The following STARD9 variants were observed in gnomAD, a reference collection of about 807,000 sequenced individuals.
STARD9 encodes StAR related lipid transfer domain containing 9, also known as stAR-related lipid transfer protein 9.
A neutral mutation model predicts 399.8 loss-of-function variants in STARD9; 346 were observed. The ratio of observed to expected loss-of-function variants is 0.87; its 90% confidence interval spans 0.79 to 0.95. The LOEUF is 0.95. Among genes scored for constraint, STARD9 ranks in the 40% least tolerant of loss-of-function variants. STARD9 has a pLI of 0.00. For missense variants in STARD9, 5,832 were observed against 5,667.5 expected (o/e 1.03, Z -0.93); for synonymous variants, 2,203 against 2,143.5 (o/e 1.03, Z -0.77).
At chr15:42,580,758 G>A (rs763299325) in intron 1 of STARD9, among the ~76,000 whole-genome samples, 4 of 152,192 alleles carry the variant, frequency 2.6e-5, no homozygotes, top group Non-Finnish European at 5.9e-5. Context: ...GTTGCAGTGA[G>A]CAGAGATCAT....
At chr15:42,663,949 T>C in intron 13 of STARD9, 32 bp downstream of exon 13, 2 of 1,366,182 alleles carry the variant, frequency 1.5e-6, no homozygotes, top group Non-Finnish European at 2.0e-6. Context: ...TGGTCTGGTA[T>C]AGTTTACACA....
At chr15:42,703,508 C>T (rs1282824314) in intron 26 of STARD9, among the ~76,000 whole-genome samples, 10 of 150,434 alleles carry the variant, frequency 6.6e-5, no homozygotes, top group South Asian at 2.1e-4. Context: ...AGATTATAGG[C>T]GCCAGCCACC....
At chr15:42,713,740 C>G (rs2061295423) in intron 26 of STARD9, among the ~76,000 whole-genome samples, 1 of 152,112 alleles carries the variant, frequency 6.6e-6, no homozygotes, top group Non-Finnish European at 1.5e-5. Flanking sequence ...ATAAATCCTA[C>G]TTGCTCGTGA....
At chr15:42,657,900 G>A (rs1352043536) in intron 9 of STARD9, among the ~76,000 whole-genome samples, 1 of 152,146 alleles carries the variant, frequency 6.6e-6, no homozygotes, top group Non-Finnish European at 1.5e-5. Context: ...AATGGTGGGA[G>A]AACAATTGGA....
Position 42,663,841 on chromosome 15 carries a change from G to C in STARD9, c.1100G>C (p.Ser367Thr), listed in dbSNP as rs765666126. The change falls in exon 13 of 33, where the codon AGC (serine) becomes ACC (threonine). Residue 367 changes from serine to threonine, a missense_variant. Ser to Thr is a moderately conservative substitution (Grantham distance 58). This residue lies in a region of STARD9 where 5,828 missense variants were observed against 5,651.1 expected (regional missense o/e 1.03). Transcript: ENST00000290607. ...TCAGCGGTGTCTCCTGCACACACTA[G>C]CTACAGTGAGACCATGAGCACACTG... ...MVATVSPAHT[S>T]YSETMSTLRY... 3 of 1,536,900 alleles carry C rather than the reference G, an allele frequency of 2.0e-6. No individual in the cohort carries two copies. The South Asian group carries it at 3.6e-5, about 18-fold the overall frequency.
intron 7 of STARD9, among the ~76,000 whole-genome samples, chr15:42,646,308 A>G (rs1213842100): frequency 6.6e-6 from 1 of 152,232 alleles, no homozygotes; most frequent in East Asian, 1.9e-4. Flanking sequence ...TAAAAATCCT[A>G]GATGACACCT....
chr15:42,585,718 T>C, intron 3 of STARD9, 81 bp downstream of exon 3: 3 of 955,434 alleles, frequency 3.1e-6, no homozygotes, highest in African/African-American at 1.6e-5. Flanking sequence ...AAAGATACTT[T>C]GCAAGGTTAG....
At position 42,688,259 on chromosome 15, in the gene STARD9, A is replaced by G; in HGVS notation, c.6681A>G (p.Val2227=). The change falls in exon 23 of 33, where the codon GTA becomes GTG. Residue 2227 remains valine, a synonymous_variant. Transcript: ENST00000290607. The part of the protein sequence containing the change: ...ERSSKNNGQF[V]KASASLKGQP... ...CTTCTAAGAATAATGGCCAGTTTGT[A>G]AAAGCATCAGCAAGTCTCAAAGGGC... 6.5e-7 allele frequency: 1 copy of G among 1,537,640 alleles called. No individual in the cohort carries two copies. The highest frequency in any genetic ancestry group is 8.7e-7 in the Non-Finnish European group (1 of 1,147,010).
chr15:42,675,109 T>C, intron 18 of STARD9, 145 bp downstream of exon 18: 1 of 901,962 alleles, frequency 1.1e-6, no homozygotes, highest in Middle Eastern at 3.6e-4. Flanking sequence ...TCTAATATGA[T>C]CCTATTCCCA....
chr15:42,694,172 C>G lies in STARD9; in HGVS notation c.12594C>G (p.Pro4198=). Residue 4198 remains proline (P), a synonymous_variant, in exon 23 of 33, where the codon CCC becomes CCG. Coordinates refer to ENST00000290607, the MANE Select transcript of STARD9 (RefSeq NM_020759.3). ...AGTGGTCCAAGAGGGAGCAGATCCC[C>G]CTGCAAGTTGGGGCCCAGAACCTCT... is the stretch of plus-strand genomic sequence containing the variant. ...DSEWSKREQI[P]LQVGAQNLSL... 2 of 1,535,264 alleles carry G rather than the reference C, an allele frequency of 1.3e-6. No homozygotes were observed. The highest frequency in any genetic ancestry group is 1.7e-6 in the Non-Finnish European group (2 of 1,146,054).
At position 42,693,833 on chromosome 15, in the gene STARD9, C is replaced by G; in HGVS notation, c.12255C>G (p.Leu4085=). The change falls in exon 23 of 33, where the codon CTC becomes CTG. Residue 4085 remains leucine, a synonymous_variant. Coordinates refer to ENST00000290607, the MANE Select transcript of STARD9 (RefSeq NM_020759.3). ...RPSSWGGLQH[L]SPCPVSELTD... ...CTTCATGGGGAGGCCTCCAGCACCTCAGCCCCTGCCCTGTCTCTGAGTTGA... is the reference window on the plus strand; with the variant it reads ...CTTCATGGGGAGGCCTCCAGCACCTGAGCCCCTGCCCTGTCTCTGAGTTGA... 1 of 1,536,702 alleles carries G rather than the reference C, an allele frequency of 6.5e-7. No homozygotes were observed. The highest frequency in any genetic ancestry group is 8.7e-7 in the Non-Finnish European group (1 of 1,146,730).
At chr15:42,640,902 G>A (rs140648138) in intron 7 of STARD9, among the ~76,000 whole-genome samples, 5 of 150,898 alleles carry the variant, frequency 3.3e-5, no homozygotes, top group East Asian at 2.0e-4. Context: ...TCAGATATCC[G>A]CATTATACAG....
In STARD9 at chr15:42,688,774, G is replaced by A. The variant is rs754710938; in HGVS notation, c.7196G>A (p.Arg2399His). 1.1e-5 allele frequency: 17 copies of A among 1,537,456 alleles called. No homozygotes were observed. Among genetic ancestry groups the A allele is most frequent in the Admixed American group, 3.9e-5 (2 of 50,982 alleles). Residue 2399 changes from arginine to histidine, a missense_variant, in exon 23 of 33, where the codon CGT becomes CAT. Coordinates refer to ENST00000290607, the MANE Select transcript of STARD9 (RefSeq NM_020759.3). ...SHSPEGNVRG[R>H]SSEAHTAWCG... ...AGCCCCGAAGGAAATGTTAGAGGGC[G>A]TTCCTCTGAGGCACACACTGCCTGG...
At chr15:42,708,991 G>C (rs1047029655) in intron 26 of STARD9, among the ~76,000 whole-genome samples, 5 of 152,044 alleles carry the variant, frequency 3.3e-5, no homozygotes, top group Non-Finnish European at 7.4e-5. Flanking sequence ...TCGGTGCATT[G>C]TATCAGAGGT....
rs761262588 is a variant in STARD9, at chr15:42,687,046, T to A, written c.5468T>A (p.Leu1823Gln). The A allele has an allele frequency of 6.7e-5, 103 of 1,537,006 alleles. No individual in the cohort carries two copies. Among genetic ancestry groups the A allele is most frequent in the Non-Finnish European group, 8.9e-5 (102 of 1,146,880 alleles). The change falls in exon 23 of 33, where the codon CTG becomes CAG. Residue 1823 changes from leucine to glutamine, a missense_variant. Physicochemically the swap from Leu to Gln is moderately radical, Grantham distance 113. Around this residue, in one of 2 missense-constraint regions of STARD9, gnomAD observed 5,828 missense variants for 5,651.1 expected, o/e 1.03. Transcript: ENST00000290607. ...QQVTAEIPVD[L>Q]NTREVIRESG... ...GTCACAGCTGAGATACCAGTTGATC[T>A]GAATACCAGGGAAGTCATCAGAGAA...
chr15:42,675,914 G>C lies in STARD9; in HGVS notation c.1813G>C (p.Asp605His), dbSNP rs1351125568. ...TGGTCGTGGCTCGTTGGAGTGGCTGGATTTGGATGGAGATCTCGCTGCCTC... is the reference window on the plus strand; with the variant it reads ...TGGTCGTGGCTCGTTGGAGTGGCTGCATTTGGATGGAGATCTCGCTGCCTC... ...AAGRGSLEWL[D>H]LDGDLAASRL... is the part of the protein sequence containing the mutation. Residue 605 changes from aspartate to histidine, a missense_variant, in exon 20 of 33, where the codon GAT (aspartate) becomes CAT (histidine). Asp to His is a moderately conservative substitution (Grantham distance 81). Transcript: ENST00000290607. The C allele has an allele frequency of 2.0e-6, 3 of 1,537,086 alleles. No individual in the cohort carries two copies. Among genetic ancestry groups the C allele is most frequent in the Non-Finnish European group, 2.6e-6 (3 of 1,146,884 alleles).
intron 3 of STARD9, among the ~76,000 whole-genome samples, chr15:42,610,157 G>A (rs769938728): frequency 6.6e-5 from 10 of 152,258 alleles, no homozygotes; most frequent in Admixed American, 4.6e-4. Flanking sequence ...GATCATTTAC[G>A]TAAAAGCAGC....
intron 26 of STARD9, among the ~76,000 whole-genome samples, chr15:42,697,437 C>A (rs1289274316): frequency 1.3e-5 from 2 of 151,926 alleles, no homozygotes; most frequent in Non-Finnish European, 2.9e-5. Flanking sequence ...CTTTTTTTCT[C>A]TTTTATTGCA....
intron 9 of STARD9, among the ~76,000 whole-genome samples, chr15:42,659,466 G>T (rs895201227): frequency 2.0e-5 from 3 of 152,100 alleles, no homozygotes; most frequent in Non-Finnish European, 4.4e-5. Flanking sequence ...TGCTCTGCTG[G>T]TGGGAATGTA....
Sources: gnomAD v4.1 joint callset for allele counts (sites outside exome capture counted in the v4.1 genomes callset) on GRCh38, gnomAD v4.1.1 for gene constraint, gnomAD v4.1.1 regional missense constraint, MANE v1.5 for transcripts, NCBI Gene and HGNC (gene_info 2026-07-23, HGNC 2026-07-21) for gene names.